The following ANXA2 variants were observed in gnomAD, a reference collection of about 807,000 sequenced individuals.
The protein encoded by ANXA2 is annexin II.
Under a neutral mutation model 47.3 loss-of-function variants are expected in ANXA2, and 28 were observed. That is an observed-to-expected ratio of 0.59 (90% confidence interval 0.44 to 0.81). ANXA2 has a LOEUF of 0.81. ANXA2 is among the 40% of genes least tolerant of loss of function. The pLI is 0.00. For missense variants in ANXA2, 384 were observed against 414.3 expected, an observed-to-expected ratio of 0.93 and a Z score of 0.64; for synonymous variants, 172 against 155.5, an observed-to-expected ratio of 1.11 and a Z score of -0.79.
intron 1 of ANXA2, among the ~76,000 whole-genome samples, chr15:60,388,414 T>A (rs1389097955): frequency 6.6e-6 from 1 of 152,194 alleles, no homozygotes; most frequent in South Asian, 2.1e-4. Flanking sequence ...GGTCTTGCTA[T>A]GTTGCCCAGG....
chr15:60,364,595 G>A, intron 3 of ANXA2, 72 bp from the exon 4 acceptor site: 1 of 1,211,982 alleles, frequency 8.3e-7, no homozygotes, highest in Non-Finnish European at 1.2e-6. Flanking sequence ...AAGGTGTCAA[G>A]CAGACTTTTT....
intron 12 of ANXA2, 28 bp from the exon 13 acceptor site, chr15:60,347,717 C>T (rs1400670306): frequency 5.6e-6 from 9 of 1,610,240 alleles, no homozygotes; most frequent in African/African-American, 4.0e-5. Context: ...AGAAAAGAAA[C>T]GTGGTATCAG....
At chr15:60,358,896 T>C (rs1036699273) in intron 5 of ANXA2, among the ~76,000 whole-genome samples, 3 of 152,224 alleles carry the variant, frequency 2.0e-5, no homozygotes, top group Non-Finnish European at 4.4e-5. Context: ...CCATCACTGA[T>C]ATACCAGTGG....
chr15:60,371,065 T>A (rs1463121414), intron 3 of ANXA2, among the ~76,000 whole-genome samples: 1 of 152,160 alleles, frequency 6.6e-6, no homozygotes, highest in African/African-American at 2.4e-5. Context: ...AAGTTACAGT[T>A]TTCCAACATT....
intron 6 of ANXA2, 64 bp from the exon 7 acceptor site, chr15:60,356,062 T>C: frequency 8.1e-7 from 1 of 1,237,844 alleles, no homozygotes; most frequent in Non-Finnish European, 1.2e-6. Context: ...CACCCCAATC[T>C]CCCCATTTCC....
intron 3 of ANXA2, among the ~76,000 whole-genome samples, chr15:60,366,119 G>A (rs920558727): frequency 1.8e-4 from 24 of 130,934 alleles, no homozygotes; most frequent in Non-Finnish European, 2.6e-4. Context: ...CCGAGGTGCT[G>A]GGATTGCAGA....
chr15:60,390,612 C>A, intron 1 of ANXA2: 1 of 271,584 alleles, frequency 3.7e-6, no homozygotes, highest in Non-Finnish European at 7.3e-6. Flanking sequence ...AAAATGCTGG[C>A]TGTTAAGACA....
At position 60,354,117 on chromosome 15, in the gene ANXA2, G is replaced by A. The variant is rs200663573; in HGVS notation, c.588+37C>T. 9.8e-4 allele frequency: 1,564 copies of A among 1,594,166 alleles called. 2 individuals carry two copies. Among genetic ancestry groups the A allele is most frequent in the Non-Finnish European group, 1.2e-3 (1,413 of 1,165,142 alleles). ...ATATAGACTATCCAGAGACTTACCA[G>A]AAAACAAAAACTCAAAGCAAAAAGC... On this transcript the variant is annotated intron_variant, in intron 8 of 12. Coordinates refer to ENST00000451270, the MANE Select transcript of ANXA2 (RefSeq NM_004039.3).
chr15:60,356,006 G>A lies in ANXA2; in HGVS notation c.449-8C>T, dbSNP rs1335164403. The A allele has an allele frequency of 6.2e-7, 1 of 1,608,618 alleles. No homozygotes were observed. The highest frequency in any genetic ancestry group is 1.7e-5 in the Admixed American group (1 of 59,996). On this transcript the variant is annotated splice_polypyrimidine_tract_variant and splice_region_variant and intron_variant, in intron 6 of 12. Transcript: ENST00000451270. ...CCAGATCAGTCTTGTACACTTGGAG[G>A]AAAATACATCTGGTTTTATGCTTTC...
At chr15:60,391,269 T>G (rs1023605508) in intron 1 of ANXA2, 5 of 152,220 alleles carry the variant, frequency 3.3e-5, no homozygotes, top group African/African-American at 1.2e-4. Context: ...TCCAAGTGAT[T>G]AAGACACAGA....
intron 1 of ANXA2, among the ~76,000 whole-genome samples, chr15:60,392,351 C>A (rs2063023897): frequency 6.6e-6 from 1 of 150,522 alleles, no homozygotes. Flanking sequence ...CTTTTAATGG[C>A]AAAAACCACA....
At chr15:60,378,391 CA>C in intron 3 of ANXA2, among the ~76,000 whole-genome samples, 1 of 152,138 alleles carries the variant, frequency 6.6e-6, no homozygotes, top group African/African-American at 2.4e-5. Flanking sequence ...CTATGTAATA[CA>C]GAGAGTTACA....
intron 11 of ANXA2, among the ~76,000 whole-genome samples, chr15:60,350,961 A>G (rs756441221): frequency 3.3e-4 from 50 of 152,158 alleles, no homozygotes; most frequent in Non-Finnish European, 6.6e-4. Flanking sequence ...TCTCTCTCCC[A>G]TGGCACTTTA....
chr15:60,365,739 T>C (rs533275699), intron 3 of ANXA2, among the ~76,000 whole-genome samples: 1 of 152,300 alleles, frequency 6.6e-6, no homozygotes, highest in Admixed American at 6.5e-5. Context: ...CATACCAATA[T>C]GCTTGCTATC....
intron 7 of ANXA2, 105 bp downstream of exon 7, chr15:60,355,814 T>A (rs750540661): frequency 2.0e-6 from 2 of 982,016 alleles, no homozygotes; most frequent in Non-Finnish European, 3.3e-6. Flanking sequence ...GCTGAATTTC[T>A]GATGCAGGCA....
chr15:60,367,344 A>G (rs1452087449), intron 3 of ANXA2, among the ~76,000 whole-genome samples: 321 of 58,546 alleles, frequency 5.5e-3, no homozygotes, highest in African/African-American at 8.0e-3. Flanking sequence ...CCCCTACTGG[A>G]AAGTGAGGAG....
chr15:60,348,709 G>A (rs1895842757), intron 12 of ANXA2, among the ~76,000 whole-genome samples: 1 of 147,760 alleles, frequency 6.8e-6, no homozygotes, highest in Admixed American at 6.9e-5. Context: ...TGTGGCCACT[G>A]CACTCCAGCC....
chr15:60,360,314 G>A (rs770302914), intron 5 of ANXA2, among the ~76,000 whole-genome samples: 28 of 152,168 alleles, frequency 1.8e-4, no homozygotes, highest in Non-Finnish European at 3.7e-4. Context: ...CAAAGTTCAG[G>A]AGGTTTCCAA....
intron 1 of ANXA2, chr15:60,393,503 C>A (rs541961324): frequency 3.0e-6 from 3 of 990,866 alleles, no homozygotes; most frequent in East Asian, 2.2e-4. Context: ...ACCTACCTTT[C>A]CTTAAATATC....
Sources: allele counts gnomAD v4.1 joint callset (sites outside exome capture counted in the v4.1 genomes callset), GRCh38; gene constraint gnomAD v4.1.1; transcripts MANE v1.5; gene names NCBI Gene and HGNC (gene_info 2026-07-23, HGNC 2026-07-21).